WDR17: variants seen among roughly 807,000 people sequenced by gnomAD.
The protein encoded by WDR17 is WD repeat domain 17, also known as WD repeat-containing protein 17.
WDR17 carries 143 observed loss-of-function variants against 161.7 expected under a neutral mutation model. The ratio of observed to expected loss-of-function variants is 0.88; its 90% confidence interval spans 0.77 to 1.02. WDR17 has a LOEUF of 1.02. WDR17 is among the 50% of genes least tolerant of loss of function. The pLI is 0.00. For synonymous variants in WDR17, 517 were observed against 515.6 expected (o/e 1.00, Z -0.04); for missense variants, 1,469 against 1,520.9 (o/e 0.97, Z 0.57).
chr4:176,134,987 A>AT, intron 7 of WDR17, 121 bp from the exon 8 acceptor site: 1 of 933,912 alleles, frequency 1.1e-6, no homozygotes, highest in Non-Finnish European at 1.6e-6. Flanking sequence ...TTGCCTATAT[A>AT]TTTTTGCATT....
intron 1 of WDR17, among the ~76,000 whole-genome samples, chr4:176,088,344 A>G (rs777157844): frequency 4.6e-5 from 7 of 152,132 alleles, no homozygotes; most frequent in Admixed American, 1.3e-4. Flanking sequence ...CCAGCTACTT[A>G]GTGACTGAAG....
rs1752232771 is a variant in WDR17 at position 176,182,311 on chromosome 4, T to C, written c.*2732T>C. On this transcript the variant is annotated 3_prime_UTR_variant, in exon 29 of 29. Coordinates refer to ENST00000508596, the MANE Select transcript of WDR17 (RefSeq NM_181265.4). The surrounding 1 kb of genome is among the most constrained non-coding windows in gnomAD (Gnocchi z 4.2). ...AAAATAGTTACATCTTGTGAAAATATATGATTTTTATGTCAATCAAGACAA... is the reference window on the plus strand; with the variant it reads ...AAAATAGTTACATCTTGTGAAAATACATGATTTTTATGTCAATCAAGACAA... 1 of 151,846 alleles carries C rather than the reference T, an allele frequency of 6.6e-6. No individual in the cohort carries two copies. Among genetic ancestry groups the C allele is most frequent in the South Asian group, 2.1e-4 (1 of 4,830 alleles). The allele number at this position is 151,846 out of a possible 1,614,324, so 9.4% of individuals were successfully genotyped here. A position where few individuals can be genotyped will look rare whatever the true frequency, so the allele number is the denominator to read the frequency against.
intron 28 of WDR17, among the ~76,000 whole-genome samples, chr4:176,177,868 CA>C (rs1036293562): frequency 6.6e-6 from 1 of 151,212 alleles, no homozygotes; most frequent in African/African-American, 2.4e-5. Context: ...TGACTCTTAC[CA>C]CAGAAGCAAT....
At chr4:176,121,323 T>C (rs1267884763) in intron 4 of WDR17, among the ~76,000 whole-genome samples, 1 of 152,214 alleles carries the variant, frequency 6.6e-6, no homozygotes, top group Non-Finnish European at 1.5e-5. Flanking sequence ...TTTGTTTTGA[T>C]CTGGTGAATA....
chr4:176,074,005 T>C (rs1471719335), intron 1 of WDR17, among the ~76,000 whole-genome samples: 7 of 150,954 alleles, frequency 4.6e-5, no homozygotes, highest in Non-Finnish European at 8.9e-5. Flanking sequence ...ATATTAGCCC[T>C]TTGTCAGATG....
chr4:176,168,376 TA>T lies in WDR17; in HGVS notation c.2991-295del, dbSNP rs908905141. ...TCCAAAGAACATATTCAAAACTACTTAGATTAGAGAATTGTTCTGTAATGAT... is the reference window on the plus strand; with the variant it reads ...TCCAAAGAACATATTCAAAACTACTTGATTAGAGAATTGTTCTGTAATGAT... On this transcript the variant is annotated intron_variant, in intron 22 of 28. Transcript: ENST00000508596. Among the ~76,000 whole-genome samples, 66 of 152,212 alleles carry T rather than the reference TA, an allele frequency of 4.3e-4. 1 individual carries two copies. The highest frequency in any genetic ancestry group is 1.4e-3 in the African/African-American group (58 of 41,570).
chr4:176,094,580 G>A (rs73018033), intron 1 of WDR17, among the ~76,000 whole-genome samples: 4,708 of 152,142 alleles, frequency 0.031, 195 homozygotes, highest in African/African-American at 0.097. Flanking sequence ...AAACATAGAA[G>A]GACAACATAT....
intron 1 of WDR17, among the ~76,000 whole-genome samples, chr4:176,107,668 C>A (rs1487766298): frequency 1.3e-5 from 2 of 151,734 alleles, no homozygotes; most frequent in African/African-American, 4.8e-5. Flanking sequence ...GTATTCAAGT[C>A]TTTTGCCCAT....
intron 1 of WDR17, among the ~76,000 whole-genome samples, chr4:176,072,144 G>T (rs189534238): frequency 2.6e-5 from 4 of 152,250 alleles, no homozygotes; most frequent in African/African-American, 9.6e-5. Flanking sequence ...CATATATTGG[G>T]AATGCTTAGA....
chr4:176,175,845 C>T (rs1340125084), intron 26 of WDR17, among the ~76,000 whole-genome samples: 2 of 151,982 alleles, frequency 1.3e-5, no homozygotes, highest in African/African-American at 4.8e-5. Flanking sequence ...AGGCGTGAGC[C>T]ACCATGCCCG....
In WDR17 at chr4:176,172,423, C is replaced by T. The variant is rs138264491; in HGVS notation, c.3151C>T (p.Arg1051Cys). The T allele has an allele frequency of 5.5e-5, 89 of 1,611,040 alleles. No individual in the cohort carries two copies. Among genetic ancestry groups the T allele is most frequent in the East Asian group, 8.9e-5 (4 of 44,806 alleles). ...ATGTATGCAGTTAGCTGAGACAGCC[C>T]GTGCAGATGACAATATATTTGAAAC... ...EECMQLAETA[R>C]ADDNIFETVK... The change falls in exon 24 of 29, where the codon CGT becomes TGT. Residue 1051 changes from arginine (R) to cysteine (C), a missense_variant. By Grantham distance (180) the Arg-to-Cys change is radical (BLOSUM62 -3). Coordinates refer to ENST00000508596, the MANE Select transcript of WDR17 (RefSeq NM_181265.4).
intron 1 of WDR17, among the ~76,000 whole-genome samples, chr4:176,097,361 A>G (rs1412590945): frequency 6.6e-6 from 1 of 152,040 alleles, no homozygotes; most frequent in East Asian, 1.9e-4. Flanking sequence ...TAGGCTGCCA[A>G]TGATATACAG....
At chr4:176,095,157 C>G (rs898405720) in intron 1 of WDR17, among the ~76,000 whole-genome samples, 1 of 151,984 alleles carries the variant, frequency 6.6e-6, no homozygotes, top group African/African-American at 2.4e-5. Flanking sequence ...AATTGCAACT[C>G]AAAATACGAT....
intron 1 of WDR17, among the ~76,000 whole-genome samples, chr4:176,066,636 G>C (rs1215453704): frequency 6.6e-6 from 1 of 152,132 alleles, no homozygotes; most frequent in Non-Finnish European, 1.5e-5. Context: ...TGCTTGCAAA[G>C]ATTGAAAGGA....
intron 22 of WDR17, among the ~76,000 whole-genome samples, chr4:176,168,304 A>G (rs1032341003): frequency 6.6e-6 from 1 of 152,240 alleles, no homozygotes; most frequent in Non-Finnish European, 1.5e-5. Context: ...CAAGCATAAC[A>G]AAAGTTGACG....
intron 6 of WDR17, 138 bp downstream of exon 6, chr4:176,128,998 T>G: frequency 2.9e-6 from 2 of 689,938 alleles, no homozygotes; most frequent in Non-Finnish European, 4.4e-6. Flanking sequence ...ATATATGTGC[T>G]CAAGGATCCA....
intron 7 of WDR17, 59 bp from the exon 8 acceptor site, chr4:176,135,049 A>C: frequency 6.6e-7 from 1 of 1,521,896 alleles, no homozygotes; most frequent in Non-Finnish European, 9.1e-7. Flanking sequence ...ATTGTGGTTC[A>C]TCTATTAATA....
At chr4:176,109,677 T>C (rs897466036) in intron 1 of WDR17, among the ~76,000 whole-genome samples, 3 of 152,188 alleles carry the variant, frequency 2.0e-5, no homozygotes, top group Non-Finnish European at 4.4e-5. Context: ...TAGTGATCTA[T>C]GGGAGAAAAT....
intron 17 of WDR17, among the ~76,000 whole-genome samples, chr4:176,152,294 C>CAAAAAAAAAAAAAAAA (rs397837505): frequency 0.017 from 1,230 of 72,078 alleles, 75 homozygotes; most frequent in Non-Finnish European, 0.025. Flanking sequence ...GACCCTATCT[C>CAAAAAAAAAAAAAAAA]AAAAAAAAAA....
Sources: allele counts gnomAD v4.1 joint callset (sites outside exome capture counted in the v4.1 genomes callset), GRCh38; gene constraint gnomAD v4.1.1; non-coding constraint Gnocchi (gnomAD v3.1); transcripts MANE v1.5; gene names NCBI Gene and HGNC (gene_info 2026-07-23, HGNC 2026-07-21).